Variants in OR3A2 observed in about 807,000 individuals in gnomAD.
The protein encoded by OR3A2 is olfactory receptor 3A2.
For missense variants in OR3A2, 318 were observed against 392.8 expected (o/e 0.81, Z 1.61); for synonymous variants, 126 against 159.3 (o/e 0.79, Z 1.57).
chr17:3,313,183 T>C (rs755192969), intron 3 of OR3A2, among the ~76,000 whole-genome samples: 2 of 152,234 alleles, frequency 1.3e-5, no homozygotes, highest in African/African-American at 4.8e-5. Flanking sequence ...ACTTATTCTG[T>C]AAATCCTTCA....
intron 3 of OR3A2, among the ~76,000 whole-genome samples, chr17:3,334,626 A>C (rs1015458254): frequency 2.0e-5 from 3 of 152,152 alleles, no homozygotes; most frequent in African/African-American, 7.2e-5. Context: ...TGACTATAGA[A>C]TTATTTTTGC....
chr17:3,367,709 G>C (rs1219833626), intron 2 of OR3A2, among the ~76,000 whole-genome samples: 2 of 151,384 alleles, frequency 1.3e-5, no homozygotes, highest in Non-Finnish European at 2.9e-5. Context: ...CTATAAACAT[G>C]CATGTGCAAG....
At chr17:3,381,159 G>T (rs1416991693) in intron 2 of OR3A2, among the ~76,000 whole-genome samples, 1 of 151,770 alleles carries the variant, frequency 6.6e-6, no homozygotes, top group African/African-American at 2.4e-5. Flanking sequence ...CGTGTCTCTG[G>T]CATGTCTGTG....
chr17:3,292,288 C>A (rs369737085), intron 3 of OR3A2: 5 of 1,614,036 alleles, frequency 3.1e-6, no homozygotes, highest in Non-Finnish European at 4.2e-6. Flanking sequence ...GTAAGGCAGG[C>A]CCCACAGGGA....
chr17:3,290,005 C>G (rs2048850748), intron 3 of OR3A2, among the ~76,000 whole-genome samples: 1 of 152,054 alleles, frequency 6.6e-6, no homozygotes, highest in Non-Finnish European at 1.5e-5. Flanking sequence ...GAGAAAATAC[C>G]CAGCACTCTT....
At chr17:3,304,526 A>AT (rs2048987384) in intron 3 of OR3A2, among the ~76,000 whole-genome samples, 2 of 152,212 alleles carry the variant, frequency 1.3e-5, no homozygotes, top group Non-Finnish European at 2.9e-5. Flanking sequence ...CCTGCCCTGC[A>AT]TGGTATCCAC....
intron 2 of OR3A2, among the ~76,000 whole-genome samples, chr17:3,343,659 G>A (rs1311324681): frequency 6.6e-6 from 1 of 152,088 alleles, no homozygotes; most frequent in African/African-American, 2.4e-5. Flanking sequence ...GTGGGAAGTG[G>A]GGAAAAGAAC....
At chr17:3,294,070 G>GT (rs1328227914) in intron 3 of OR3A2, among the ~76,000 whole-genome samples, 1 of 151,816 alleles carries the variant, frequency 6.6e-6, no homozygotes, top group East Asian at 1.9e-4. Flanking sequence ...GTTTACCTAT[G>GT]TGACAAACCT....
At chr17:3,385,794 G>A (rs941654626) in intron 1 of OR3A2, 8 of 396,998 alleles carry the variant, frequency 2.0e-5, no homozygotes, top group Admixed American at 4.4e-5. Context: ...TTAGCAAGCA[G>A]AAATTTGTAT....
intron 3 of OR3A2, among the ~76,000 whole-genome samples, chr17:3,313,351 C>T (rs2049059239): frequency 6.6e-6 from 1 of 152,176 alleles, no homozygotes; most frequent in Admixed American, 6.5e-5. Flanking sequence ...CCGTTGGGTC[C>T]CACTGAACAT....
At chr17:3,290,549 C>T (rs1406960931) in intron 3 of OR3A2, among the ~76,000 whole-genome samples, 3 of 152,184 alleles carry the variant, frequency 2.0e-5, no homozygotes, top group Admixed American at 6.5e-5. Flanking sequence ...GAAGCCAAGT[C>T]ACAGGTGCCA....
intron 3 of OR3A2, among the ~76,000 whole-genome samples, chr17:3,326,446 G>C (rs2049173476): frequency 6.6e-6 from 1 of 152,028 alleles, no homozygotes; most frequent in Non-Finnish European, 1.5e-5. Flanking sequence ...GGACCGGCTG[G>C]AGCTGCAGCA....
chr17:3,380,259 C>T (rs956486028), intron 2 of OR3A2, among the ~76,000 whole-genome samples: 18 of 152,304 alleles, frequency 1.2e-4, no homozygotes, highest in Non-Finnish European at 1.0e-4. Context: ...GTAAATCAAG[C>T]GTCTGAGGGA....
intron 3 of OR3A2, chr17:3,298,354 C>T (rs1398495994): frequency 1.3e-5 from 2 of 152,174 alleles, no homozygotes; most frequent in South Asian, 2.1e-4. Context: ...GATCCCTGCT[C>T]CAACATTCCA....
At chr17:3,339,893 G>C (rs537087989) in intron 2 of OR3A2, among the ~76,000 whole-genome samples, 1 of 152,054 alleles carries the variant, frequency 6.6e-6, no homozygotes, top group African/African-American at 2.4e-5. Flanking sequence ...CTGTGAATCT[G>C]TCTGGTCCTG....
chr17:3,349,010 C>T (rs542843666), intron 2 of OR3A2, among the ~76,000 whole-genome samples: 2 of 152,102 alleles, frequency 1.3e-5, no homozygotes, highest in East Asian at 1.9e-4. Flanking sequence ...CAGGCCTGCA[C>T]TAAAAGAGTT....
chr17:3,304,011 T>C (rs181113047), intron 3 of OR3A2, among the ~76,000 whole-genome samples: 1,940 of 148,000 alleles, frequency 0.013, 24 homozygotes, highest in Middle Eastern at 0.058. Context: ...TATATATATA[T>C]ATGTACCAAA....
intron 3 of OR3A2, chr17:3,290,946 A>G (rs2048859704): frequency 6.6e-6 from 1 of 152,226 alleles, no homozygotes; most frequent in Non-Finnish European, 1.5e-5. Flanking sequence ...AAGATGAGGA[A>G]AATTCATTTT....
chr17:3,299,123 G>C (rs1280272585), intron 3 of OR3A2, among the ~76,000 whole-genome samples: 2 of 152,164 alleles, frequency 1.3e-5, no homozygotes, highest in African/African-American at 2.4e-5. Context: ...ATGAAGTCCA[G>C]AGAATTTATT....
Sources: allele counts gnomAD v4.1 joint callset (sites outside exome capture counted in the v4.1 genomes callset), GRCh38; gene constraint gnomAD v4.1.1; transcripts MANE v1.5; gene names NCBI Gene and HGNC (gene_info 2026-07-23, HGNC 2026-07-21).